The following CNTNAP2 variants were observed in gnomAD, a reference collection of about 807,000 sequenced individuals.
CNTNAP2 encodes the protein contactin-associated protein-like 2.
In CNTNAP2, 98 loss-of-function variants were observed where a neutral mutation model predicts 155.2. The observed-to-expected ratio is 0.63, with a 90% CI of 0.54 to 0.75. The LOEUF (loss-of-function observed/expected upper bound fraction) is 0.75, where lower values mean the gene tolerates loss of function less well. CNTNAP2 is among the 30% of genes least tolerant of loss of function. CNTNAP2 has a pLI of 0.00. For synonymous variants in CNTNAP2, 651 were observed against 631.2 expected (o/e 1.03, Z -0.47); for missense variants, 1,727 against 1,688.1 (o/e 1.02, Z -0.40).
intron 1 of CNTNAP2, among the ~76,000 whole-genome samples, chr7:146,721,730 A>T (rs1214574604): frequency 1.6e-5 from 2 of 123,358 alleles, no homozygotes; most frequent in African/African-American, 7.0e-5. Flanking sequence ...TTCTAAATAC[A>T]TTATATATTC....
At chr7:146,466,400 G>A (rs1796718062) in intron 1 of CNTNAP2, among the ~76,000 whole-genome samples, 1 of 152,116 alleles carries the variant, frequency 6.6e-6, no homozygotes, top group African/African-American at 2.4e-5. Flanking sequence ...CGTTACAGCA[G>A]GGCTGCATTT....
intron 9 of CNTNAP2, among the ~76,000 whole-genome samples, chr7:147,380,141 ATTATC>A (rs1215369031): frequency 1.3e-5 from 2 of 152,040 alleles, no homozygotes; most frequent in African/African-American, 4.8e-5. Context: ...TTTTAAATAA[ATTATC>A]TTATATCAGA....
At position 146,764,218 on chromosome 7, in the gene CNTNAP2, G is replaced by A. The variant is rs938643165; in HGVS notation, c.98-10053G>A. 5.9e-5 allele frequency among the ~76,000 whole-genome samples: 9 copies of A among 152,012 alleles called. No individual in the cohort carries two copies. In the South Asian group the frequency reaches 6.2e-4, roughly 11 times the overall value. ...TAGTCATATTGTGATTGACCTTGAC[G>A]GTCTTCAGATTATTGGTTTATTAAA... On this transcript the variant is annotated intron_variant, in intron 1 of 23. Coordinates refer to ENST00000361727, the MANE Select transcript of CNTNAP2 (RefSeq NM_014141.6).
chr7:146,301,825 T>G (rs895472505), intron 1 of CNTNAP2, among the ~76,000 whole-genome samples: 4 of 152,098 alleles, frequency 2.6e-5, no homozygotes, highest in African/African-American at 9.7e-5. Context: ...GGTGTGGAAG[T>G]AACCAAAGAA....
intron 13 of CNTNAP2, among the ~76,000 whole-genome samples, chr7:147,795,393 A>G (rs1203477146): frequency 6.6e-6 from 1 of 151,652 alleles, no homozygotes; most frequent in African/African-American, 2.4e-5. Context: ...TTTGTTTCCT[A>G]TGTCTCATGT....
intron 1 of CNTNAP2, among the ~76,000 whole-genome samples, chr7:146,163,804 A>G (rs1331284892): frequency 6.6e-6 from 1 of 151,932 alleles, no homozygotes; most frequent in Non-Finnish European, 1.5e-5. Context: ...AAAGAAAGAG[A>G]TCATTCAAGA....
intron 6 of CNTNAP2, chr7:147,122,178 A>T (rs988971396): frequency 6.6e-6 from 1 of 152,152 alleles, no homozygotes; most frequent in Admixed American, 6.5e-5. Context: ...TGCCTCAAAA[A>T]AAACAACAAC....
chr7:148,130,291 C>G (rs1444534130), intron 16 of CNTNAP2, among the ~76,000 whole-genome samples: 1 of 152,176 alleles, frequency 6.6e-6, no homozygotes, highest in Non-Finnish European at 1.5e-5. Context: ...GCCATCATAC[C>G]AGAACAATGC....
rs561370249 is a variant in CNTNAP2, at chr7:147,381,141, T to C, written c.1499-14468T>C. ...TGAGCAGCTGCTGGGTGTCAGTCAC[T>C]GTACTAGGGGCTTTTAATACAGTGT... On this transcript the variant is annotated intron_variant, in intron 9 of 23. Transcript: ENST00000361727. Among the ~76,000 whole-genome samples, 6 of 152,262 alleles carry C rather than the reference T, an allele frequency of 3.9e-5. No individual in the cohort carries two copies. The South Asian group carries it at 1.0e-3, about 26-fold the overall frequency.
intron 14 of CNTNAP2, among the ~76,000 whole-genome samples, chr7:147,921,445 A>G (rs1800279182): frequency 6.6e-6 from 1 of 152,236 alleles, no homozygotes; most frequent in Non-Finnish European, 1.5e-5. Flanking sequence ...GCAGCTTACT[A>G]CATTGCACAG....
chr7:147,967,135 A>C (rs2116850253), intron 14 of CNTNAP2, among the ~76,000 whole-genome samples: 1 of 152,332 alleles, frequency 6.6e-6, no homozygotes, highest in Middle Eastern at 3.4e-3. Context: ...CTAATCATGC[A>C]AATGAGTCAT....
At chr7:146,946,979 T>C (rs929893788) in intron 3 of CNTNAP2, among the ~76,000 whole-genome samples, 5 of 152,172 alleles carry the variant, frequency 3.3e-5, no homozygotes, top group Non-Finnish European at 5.9e-5. Flanking sequence ...TGCATCTTCT[T>C]TCATTGTCAT....
chr7:146,502,465 C>T (rs973203253), intron 1 of CNTNAP2, among the ~76,000 whole-genome samples: 3 of 151,806 alleles, frequency 2.0e-5, no homozygotes, highest in South Asian at 2.1e-4. Context: ...AATGTGCATA[C>T]TGTTTTCCAT....
chr7:147,130,621 T>A (rs1160356045), intron 7 of CNTNAP2, among the ~76,000 whole-genome samples: 1 of 152,016 alleles, frequency 6.6e-6, no homozygotes, highest in Non-Finnish European at 1.5e-5. Flanking sequence ...TAGAGACAAA[T>A]AGGACATTTT....
chr7:148,229,292 G>A (rs1795916284), intron 19 of CNTNAP2, among the ~76,000 whole-genome samples: 1 of 152,238 alleles, frequency 6.6e-6, no homozygotes, highest in South Asian at 2.1e-4. Flanking sequence ...GGGAGGCTGA[G>A]GCGAACGGAT....
chr7:147,894,207 G>A (rs1283524975), intron 13 of CNTNAP2: 2 of 152,202 alleles, frequency 1.3e-5, no homozygotes, highest in African/African-American at 4.8e-5. Flanking sequence ...AATTAAGGAT[G>A]CCTATACTTA....
chr7:146,550,482 C>T lies in CNTNAP2; in HGVS notation c.98-223789C>T, dbSNP rs974697708. Among the ~76,000 whole-genome samples, 11 of 137,994 alleles carry T rather than the reference C, an allele frequency of 8.0e-5. No homozygotes were observed. In the South Asian group the frequency reaches 9.3e-4, roughly 12 times the overall value. The allele number at this position is 137,994 out of a possible 152,430, so 90.5% of individuals were successfully genotyped here. On this transcript the variant is annotated intron_variant, in intron 1 of 23. Coordinates refer to ENST00000361727, the MANE Select transcript of CNTNAP2 (RefSeq NM_014141.6). The stretch of plus-strand genomic sequence containing the variant: ...TATGGGTGCTTGGGAAACTCTCCTC[C>T]GAAAAACATAGAGTTCCTGATTTGG...
intron 8 of CNTNAP2, chr7:147,146,544 T>C (rs2129288470): frequency 6.6e-6 from 1 of 152,562 alleles, no homozygotes; most frequent in East Asian, 1.9e-4. Context: ...GCAAAACAGA[T>C]TATAAATGTA....
At position 148,415,876 on chromosome 7, in the gene CNTNAP2, T is replaced by C. The variant is rs1362384827; in HGVS notation, c.*260T>C. On this transcript the variant is annotated 3_prime_UTR_variant, in exon 24 of 24. Transcript: ENST00000361727. ...AAAAATGCTTTTAGAGTTTAAGCAA[T>C]GGTTGAAATTTGTAGGTACTATCTG... 1.7e-6 allele frequency: 1 copy of C among 571,782 alleles called. No homozygotes were observed. Among genetic ancestry groups the C allele is most frequent in the East Asian group, 2.9e-5 (1 of 34,368 alleles). The allele number at this position is 571,782 out of a possible 1,614,324, so 35.4% of individuals were successfully genotyped here. A position where few individuals can be genotyped will look rare whatever the true frequency, so the allele number is the denominator to read the frequency against.
Sources: allele counts gnomAD v4.1 joint callset (sites outside exome capture counted in the v4.1 genomes callset), GRCh38; gene constraint gnomAD v4.1.1; transcripts MANE v1.5; gene names NCBI Gene and HGNC (gene_info 2026-07-23, HGNC 2026-07-21).